OTOG: variants seen among roughly 807,000 people sequenced by gnomAD.
OTOG encodes otogelin.
A neutral mutation model predicts 313.8 loss-of-function variants in OTOG; 296 were observed. That is an observed-to-expected ratio of 0.94 (90% CI 0.86 to 1.04). The LOEUF (loss-of-function observed/expected upper bound fraction) is 1.04, where lower values mean the gene tolerates loss of function less well. Ranked by LOEUF, OTOG falls within the 50% of genes least tolerant of loss-of-function variation. The pLI is 0.00. For synonymous variants in OTOG, 1,533 were observed against 1,554.9 expected, an observed-to-expected ratio of 0.99 and a Z score of 0.33; for missense variants, 3,948 against 3,840.1, an observed-to-expected ratio of 1.03 and a Z score of -0.74.
At chr11:17,588,118 T>C (rs1852845939) in intron 24 of OTOG, among the ~76,000 whole-genome samples, 1 of 152,192 alleles carries the variant, frequency 6.6e-6, no homozygotes, top group Non-Finnish European at 1.5e-5. Flanking sequence ...GCATCTGCCT[T>C]CATAGGAGAG....
In OTOG at chr11:17,610,950, A is replaced by G. The variant is rs561598526; in HGVS notation, c.5650A>G (p.Thr1884Ala). The G allele has an allele frequency of 2.1e-4, 319 of 1,550,250 alleles. No individual in the cohort carries two copies. The East Asian group carries it at 7.6e-3, about 37-fold the overall frequency. ...PGLLLGATLP[T>A]SGVLPVAEGT... ...CCTGCTGCTGGGAGCCACATTGCCAACCTCTGGAGTCCTGCCTGTGGCTGA... is the reference window on the plus strand; with the variant it reads ...CCTGCTGCTGGGAGCCACATTGCCAGCCTCTGGAGTCCTGCCTGTGGCTGA... Residue 1884 changes from threonine (T) to alanine (A), a missense_variant, in exon 36 of 56, where the codon ACC becomes GCC. Transcript: ENST00000399397.
chr11:17,548,418 CTTTT>C (rs56402246), intron 3 of OTOG, among the ~76,000 whole-genome samples: 5 of 87,622 alleles, frequency 5.7e-5, no homozygotes, highest in Admixed American at 2.7e-4. Context: ...ATAGTCCACT[CTTTT>C]TTTTTTTTTT....
In OTOG at chr11:17,555,894, T is replaced by G. The variant is rs974763029; in HGVS notation, c.656T>G (p.Met219Arg). The G allele has an allele frequency of 3.7e-5, 58 of 1,549,684 alleles. No individual in the cohort carries two copies. Among genetic ancestry groups the G allele is most frequent in the Non-Finnish European group, 5.1e-5 (58 of 1,145,932 alleles). ...GCCAAGGAGGTCACCCATGGAGGCA[T>G]GAGGTAACTCTAACACCTTCCACAT... ...HLAKEVTHGG[M>R]RVQLPHVMGS... Residue 219 changes from methionine to arginine, a missense_variant, in exon 7 of 56, where the codon ATG (methionine) becomes AGG (arginine). Coordinates refer to ENST00000399397, the MANE Select transcript of OTOG (RefSeq NM_001292063.2).
chr11:17,578,124 G>C (rs1200676701), intron 22 of OTOG: 4 of 531,796 alleles, frequency 7.5e-6, no homozygotes, highest in African/African-American at 2.0e-5. Flanking sequence ...GAAGCACCTG[G>C]AGTAGTCTGG....
At chr11:17,593,357 A>T (rs1395974515) in intron 26 of OTOG, 30 bp downstream of exon 26, 1 of 1,549,574 alleles carries the variant, frequency 6.5e-7, no homozygotes. Flanking sequence ...AAGGTTGTGT[A>T]GACAATTTAC....
intron 28 of OTOG, 147 bp downstream of exon 28, chr11:17,594,313 T>C: frequency 1.8e-6 from 2 of 1,109,924 alleles, no homozygotes; most frequent in Non-Finnish European, 1.3e-6. Flanking sequence ...TCCCTAGCCC[T>C]AGACTCTGTC....
At chr11:17,552,450 C>G (rs1002325917) in intron 4 of OTOG, among the ~76,000 whole-genome samples, 4 of 144,642 alleles carry the variant, frequency 2.8e-5, no homozygotes, top group Middle Eastern at 3.4e-3. Context: ...CCCCCACTCC[C>G]TGTCCTGTGT....
intron 47 of OTOG, among the ~76,000 whole-genome samples, chr11:17,636,545 A>G (rs1389837231): frequency 6.6e-6 from 1 of 152,126 alleles, no homozygotes; most frequent in Non-Finnish European, 1.5e-5. Context: ...CTCCGAAACA[A>G]TGTAGGCTCC....
At chr11:17,588,273 A>G (rs1852851202) in intron 24 of OTOG, among the ~76,000 whole-genome samples, 2 of 152,174 alleles carry the variant, frequency 1.3e-5, no homozygotes, top group African/African-American at 4.8e-5. Context: ...AGGACCTGCC[A>G]CTGTGGCCCA....
intron 32 of OTOG, among the ~76,000 whole-genome samples, chr11:17,603,792 T>A (rs969022865): frequency 2.6e-5 from 4 of 152,164 alleles, no homozygotes; most frequent in African/African-American, 9.7e-5. Flanking sequence ...AGGGGAGGAC[T>A]CAGCAGTCAC....
At chr11:17,613,374 C>CCTTCCTTCCT (rs1565119211) in intron 38 of OTOG, among the ~76,000 whole-genome samples, 6 of 74,714 alleles carry the variant, frequency 8.0e-5, no homozygotes, top group African/African-American at 3.2e-4. Flanking sequence ...CCTTCCTTCC[C>CCTTCCTTCCT]TCCTTCCTTC....
Position 17,593,723 on chromosome 11 carries a change from C to T in OTOG, c.3255C>T (p.Thr1085=), listed in dbSNP as rs1432914213. The T allele has an allele frequency of 1.3e-6, 2 of 1,548,652 alleles. No homozygotes were observed. Among genetic ancestry groups the T allele is most frequent in the Non-Finnish European group, 1.7e-6 (2 of 1,146,984 alleles). Residue 1085 remains threonine (T), a synonymous_variant, in exon 27 of 56, where the codon ACC becomes ACT. Coordinates refer to ENST00000399397, the MANE Select transcript of OTOG (RefSeq NM_001292063.2). The part of the protein sequence containing the change: ...EHITLLWDQR[T]TVHVQAGPQW... Reference sequence around the variant, plus strand: ...TCACCCTCTTGTGGGACCAGAGAACCACAGTGCACGTCCAGGCTGGGCCTC... The same window carrying T: ...TCACCCTCTTGTGGGACCAGAGAACTACAGTGCACGTCCAGGCTGGGCCTC...
intron 42 of OTOG, among the ~76,000 whole-genome samples, chr11:17,632,926 GA>G (rs1468559684): frequency 1.3e-5 from 2 of 152,310 alleles, no homozygotes; most frequent in Admixed American, 1.3e-4. Context: ...CAGCGGGTAT[GA>G]AATCAATTTA....
chr11:17,616,298 C>G (rs573174753), intron 39 of OTOG, among the ~76,000 whole-genome samples: 4 of 152,198 alleles, frequency 2.6e-5, no homozygotes, highest in Non-Finnish European at 5.9e-5. Context: ...CTCAAGAGAT[C>G]CTCTTGCCTC....
Position 17,610,116 on chromosome 11 carries a change from C to G in OTOG, c.4816C>G (p.Arg1606Gly), listed in dbSNP as rs138408806. The G allele has an allele frequency of 6.4e-7, 1 of 1,550,596 alleles. No individual in the cohort carries two copies. The highest frequency in any genetic ancestry group is 2.4e-5 in the East Asian group (1 of 40,910). ...AGSPNITVSS[R>G]SPPAPRFPLM... The stretch of plus-strand genomic sequence containing the variant: ...AAGCCCTAACATCACAGTCTCCTCC[C>G]GGTCGCCCCCTGCCCCTCGCTTCCC... Residue 1606 changes from arginine to glycine, a missense_variant, in exon 36 of 56, where the codon CGG (arginine) becomes GGG (glycine). By Grantham distance (125) the Arg-to-Gly change is moderately radical. Transcript: ENST00000399397.
chr11:17,644,949 G>A (rs1229126237), intron 54 of OTOG, among the ~76,000 whole-genome samples: 2 of 152,272 alleles, frequency 1.3e-5, no homozygotes, highest in South Asian at 4.2e-4. Context: ...AGGTGAGGGC[G>A]TGAATGAGCC....
chr11:17,613,287 C>A (rs1853636091), intron 38 of OTOG, among the ~76,000 whole-genome samples: 1 of 143,028 alleles, frequency 7.0e-6, no homozygotes, highest in African/African-American at 2.6e-5. Context: ...CTGTCTTTCT[C>A]CTTCTTTCTT....
chr11:17,634,213 G>T lies in OTOG; in HGVS notation c.7412G>T (p.Cys2471Phe). 4.5e-6 allele frequency: 7 copies of T among 1,550,516 alleles called. No homozygotes were observed. The highest frequency in any genetic ancestry group is 6.1e-6 in the Non-Finnish European group (7 of 1,146,958). The change falls in exon 44 of 56, where the codon TGC becomes TTC. Residue 2471 changes from cysteine (C) to phenylalanine (F), a missense_variant. Coordinates refer to ENST00000399397, the MANE Select transcript of OTOG (RefSeq NM_001292063.2). ...LGCPSPRPES[C>F]LRFGEVALLL... ...TGCCCCAGTCCCCGCCCTGAGAGCT[G>T]CCTGCGATTCGGGGAGGTGGCCTTG...
At chr11:17,575,571 C>G (rs141095212) in intron 20 of OTOG, among the ~76,000 whole-genome samples, 1 of 152,162 alleles carries the variant, frequency 6.6e-6, no homozygotes, top group Non-Finnish European at 1.5e-5. Flanking sequence ...TGGGAGGCAG[C>G]GACCCCACGT....
Sources: allele counts gnomAD v4.1 joint callset (sites outside exome capture counted in the v4.1 genomes callset), GRCh38; gene constraint gnomAD v4.1.1; transcripts MANE v1.5; gene names NCBI Gene and HGNC (gene_info 2026-07-23, HGNC 2026-07-21).